EPCIP: variants seen among roughly 807,000 people sequenced by gnomAD.
EPCIP encodes exosomal polycystin-1-interacting protein.
At chr21:32,805,937 T>C in the EPCIP span, among the ~76,000 whole-genome samples, 15 of 152,126 alleles carry the variant, frequency 9.9e-5, no homozygotes, top group Non-Finnish European at 1.8e-4. Context: ...CTACGTCTTA[T>C]GAGTTGAGGG....
chr21:32,809,279 C>CTTT, the EPCIP span, among the ~76,000 whole-genome samples: 10,551 of 79,744 alleles, frequency 0.13, 943 homozygotes, highest in Non-Finnish European at 0.16. Flanking sequence ...CTCCCTCCTT[C>CTTT]CTTTCTTTCT....
At chr21:32,805,892 G>T in the EPCIP span, among the ~76,000 whole-genome samples, 31 of 152,250 alleles carry the variant, frequency 2.0e-4, no homozygotes, top group African/African-American at 7.5e-4. Context: ...GTCACACTAT[G>T]TTGGACCCAG....
the EPCIP span, among the ~76,000 whole-genome samples, chr21:32,792,697 A>C: frequency 1.2e-4 from 18 of 152,264 alleles, no homozygotes; most frequent in Middle Eastern, 3.4e-3. Flanking sequence ...TTTGAGATAG[A>C]TGCAAATGTG....
At chr21:32,809,301 T>TTTCA in the EPCIP span, among the ~76,000 whole-genome samples, 1 of 139,146 alleles carries the variant, frequency 7.2e-6, no homozygotes, top group African/African-American at 2.7e-5. Context: ...TCTTTCTTTC[T>TTTCA]TTCTTTCTTT....
At chr21:32,795,862 G>A in the EPCIP span, among the ~76,000 whole-genome samples, 14 of 152,320 alleles carry the variant, frequency 9.2e-5, no homozygotes, top group Admixed American at 3.9e-4. Context: ...AAGCTCTGCC[G>A]CGTAAACTTG....
the EPCIP span, chr21:32,797,163 G>A: frequency 6.1e-6 from 2 of 328,844 alleles, no homozygotes; most frequent in South Asian, 2.6e-5. Context: ...GGCTCACTAA[G>A]AGGGCACCAA....
At chr21:32,805,036 G>C in the EPCIP span, among the ~76,000 whole-genome samples, 1 of 152,134 alleles carries the variant, frequency 6.6e-6, no homozygotes, top group Admixed American at 6.6e-5. Context: ...CTCTACAGAT[G>C]CTATTAAATT....
chr21:32,812,821 C>A, the EPCIP span, among the ~76,000 whole-genome samples: 1 of 152,070 alleles, frequency 6.6e-6, no homozygotes, highest in Admixed American at 6.5e-5. Flanking sequence ...GCTTATTAAA[C>A]AAAGAAATAA....
chr21:32,796,630 A>C, the EPCIP span, among the ~76,000 whole-genome samples: 1 of 152,258 alleles, frequency 6.6e-6, no homozygotes, highest in African/African-American at 2.4e-5. Context: ...AGAAACGTGG[A>C]GAACAAGCGT....
the EPCIP span, chr21:32,810,693 T>G: frequency 2.1e-6 from 1 of 471,172 alleles, no homozygotes; most frequent in Non-Finnish European, 4.4e-6. Context: ...GATGGTGAAC[T>G]GAGATACGTC....
At chr21:32,812,982 C>T in the EPCIP span, among the ~76,000 whole-genome samples, 3 of 152,148 alleles carry the variant, frequency 2.0e-5, no homozygotes, top group Non-Finnish European at 2.9e-5. Flanking sequence ...TGTTAATGCT[C>T]ATCTTAGCTT....
chr21:32,805,346 A>G, the EPCIP span, among the ~76,000 whole-genome samples: 1 of 130,424 alleles, frequency 7.7e-6, no homozygotes, highest in African/African-American at 3.0e-5. Context: ...CAAGCCACTA[A>G]CATTGTAGAT....
At chr21:32,800,811 C>A in the EPCIP span, among the ~76,000 whole-genome samples, 39 of 66,932 alleles carry the variant, frequency 5.8e-4, no homozygotes, top group South Asian at 1.4e-3. Context: ...CTCAAAAAAA[C>A]AAAAAAAAAA....
chr21:32,793,929 T>C, the EPCIP span: 5 of 1,614,114 alleles, frequency 3.1e-6, no homozygotes, highest in Non-Finnish European at 4.2e-6. Context: ...GAGATATACA[T>C]ACATGGCTGC....
At chr21:32,794,488 G>T in the EPCIP span, 2 of 1,458,264 alleles carry the variant, frequency 1.4e-6, no homozygotes, top group Non-Finnish European at 1.9e-6. Context: ...GAACTCACCT[G>T]AAAGAAAAGA....
chr21:32,811,132 C>T, the EPCIP span, among the ~76,000 whole-genome samples: 16 of 151,560 alleles, frequency 1.1e-4, no homozygotes, highest in Non-Finnish European at 4.4e-5. Flanking sequence ...TTATGGCCCC[C>T]CCTCCCCTTT....
the EPCIP span, among the ~76,000 whole-genome samples, chr21:32,799,820 T>C: frequency 6.6e-6 from 1 of 152,258 alleles, no homozygotes; most frequent in East Asian, 1.9e-4. Flanking sequence ...TGCACACCTA[T>C]AATGCCAGCT....
the EPCIP span, chr21:32,794,606 C>T: frequency 3.1e-6 from 2 of 636,296 alleles, no homozygotes; most frequent in Admixed American, 3.0e-5. Context: ...GTAACTGTTT[C>T]CTGAGCCACA....
At chr21:32,809,178 G>GGTACGT in the EPCIP span, among the ~76,000 whole-genome samples, 1 of 69,724 alleles carries the variant, frequency 1.4e-5, no homozygotes, top group African/African-American at 4.6e-5. Flanking sequence ...AGCCTCGAGG[G>GGTACGT]GTGCGTGTGT....
Sources: allele counts gnomAD v4.1 joint callset (sites outside exome capture counted in the v4.1 genomes callset), GRCh38; gene constraint gnomAD v4.1.1; transcripts MANE v1.5; gene names NCBI Gene and HGNC (gene_info 2026-07-23, HGNC 2026-07-21).